The following SMYD2 variants were observed in gnomAD, a reference collection of about 807,000 sequenced individuals.
The protein encoded by SMYD2 is N-lysine methyltransferase SMYD2.
In SMYD2, 53 loss-of-function variants were observed where a neutral mutation model predicts 59.1. The observed-to-expected ratio is 0.90, with a 90% CI of 0.72 to 1.13. The LOEUF (loss-of-function observed/expected upper bound fraction) is 1.13. SMYD2 is among the 50% of genes most tolerant of loss of function. The pLI is 0.00. For missense variants in SMYD2, 494 were observed against 544.7 expected (o/e 0.91, Z 0.93); for synonymous variants, 208 against 198.8 (o/e 1.05, Z -0.39).
At chr1:214,301,769 TAA>T (rs56102481) in intron 1 of SMYD2, among the ~76,000 whole-genome samples, 5,524 of 133,300 alleles carry the variant, frequency 0.041, 387 homozygotes, top group African/African-American at 0.15. Context: ...TCTTTCAAGT[TAA>T]AAAAAAAAAA....
chr1:214,310,193 A>G (rs1341490854), intron 2 of SMYD2, among the ~76,000 whole-genome samples: 2 of 152,260 alleles, frequency 1.3e-5, no homozygotes, highest in Non-Finnish European at 2.9e-5. Flanking sequence ...CTGGTGCACC[A>G]TGAGACAATT....
chr1:214,284,261 T>TTTG (rs1310691848), intron 1 of SMYD2, among the ~76,000 whole-genome samples: 4 of 140,572 alleles, frequency 2.8e-5, no homozygotes, highest in South Asian at 4.7e-4. Flanking sequence ...GTGGTTTTTT[T>TTTG]TTTTTTTTTT....
intron 1 of SMYD2, among the ~76,000 whole-genome samples, chr1:214,299,465 T>TTATATATATATATATATA (rs756823866): frequency 0.023 from 1,607 of 71,006 alleles, 33 homozygotes; most frequent in African/African-American, 0.045. Flanking sequence ...AAAGAAAACA[T>TTATATATATATATATATA]TATATATATA....
intron 11 of SMYD2, 94 bp from the exon 12 acceptor site, chr1:214,336,610 C>A: frequency 9.0e-7 from 1 of 1,106,890 alleles, no homozygotes; most frequent in Non-Finnish European, 1.3e-6. Flanking sequence ...CATCCTGTGC[C>A]TTAAAGCAGA....
intron 1 of SMYD2, among the ~76,000 whole-genome samples, chr1:214,281,764 C>CA (rs1656454306): frequency 6.6e-6 from 1 of 152,260 alleles, no homozygotes. Context: ...CCTGGGCACT[C>CA]ACTGCCCTCC....
intron 2 of SMYD2, among the ~76,000 whole-genome samples, chr1:214,310,786 T>C (rs1338935279): frequency 6.6e-6 from 1 of 152,218 alleles, no homozygotes; most frequent in Admixed American, 6.5e-5. Context: ...TAATTTCTTA[T>C]GGGCAAAACT....
intron 1 of SMYD2, among the ~76,000 whole-genome samples, chr1:214,303,366 G>T (rs559272681): frequency 1.4e-4 from 22 of 152,194 alleles, no homozygotes; most frequent in Admixed American, 7.2e-4. Context: ...ATTTTTTAGT[G>T]CATTTCCCGA....
rs1254846592 is a variant in SMYD2, at chr1:214,305,195, G to C, written c.182G>C (p.Gly61Ala). The C allele has an allele frequency of 6.2e-7, 1 of 1,614,186 alleles. No individual in the cohort carries two copies. The highest frequency in any genetic ancestry group is 1.7e-5 in the Admixed American group (1 of 60,022). The change falls in exon 2 of 12, where the codon GGA (glycine) becomes GCA (alanine). Residue 61 changes from glycine to alanine, a missense_variant. Transcript: ENST00000366957. ...CCCTTTCTGTTTTTAAGGAAAGAAG[G>C]ATTGTCCAAATGTGGAAGATGCAAG... ...HCEYCFTRKE[G>A]LSKCGRCKQA...
chr1:214,323,258 GT>G (rs1657201814), intron 5 of SMYD2, among the ~76,000 whole-genome samples: 1 of 152,078 alleles, frequency 6.6e-6, no homozygotes, highest in Non-Finnish European at 1.5e-5. Context: ...TTGTCTTTCT[GT>G]TTGTTTTTCT....
rs1356502570 is a variant in SMYD2 at position 214,289,733 on chromosome 1, T to C, written c.173+8306T>C. ...TGGCAGATTCAGACCTTGAGCTCTC[T>C]TCTGATCCTCCTGCTCACTCAGCGT... is the stretch of plus-strand genomic sequence containing the variant. On this transcript the variant is annotated intron_variant, in intron 1 of 11. Coordinates refer to ENST00000366957, the MANE Select transcript of SMYD2 (RefSeq NM_020197.3). Among the ~76,000 whole-genome samples, 75 of 152,226 alleles carry C rather than the reference T, an allele frequency of 4.9e-4. 1 individual carries two copies. Among genetic ancestry groups the C allele is most frequent in the Non-Finnish European group, 1.8e-4 (12 of 68,038 alleles).
chr1:214,306,581 C>A (rs181226965), intron 2 of SMYD2, among the ~76,000 whole-genome samples: 1 of 152,236 alleles, frequency 6.6e-6, no homozygotes, highest in East Asian at 1.9e-4. Context: ...GGGGAGGGTG[C>A]CTTCTTTTGA....
intron 1 of SMYD2, among the ~76,000 whole-genome samples, chr1:214,299,227 G>A (rs1418385583): frequency 6.6e-6 from 1 of 152,180 alleles, no homozygotes; most frequent in Non-Finnish European, 1.5e-5. Context: ...TACACTGTTG[G>A]TGGGAATATA....
chr1:214,326,194 C>T (rs1046363776), intron 6 of SMYD2, among the ~76,000 whole-genome samples: 7 of 148,172 alleles, frequency 4.7e-5, no homozygotes, highest in African/African-American at 1.5e-4. Context: ...GCTGAGATCG[C>T]GCCACTGCAC....
intron 1 of SMYD2, among the ~76,000 whole-genome samples, chr1:214,302,460 A>G (rs1656841566): frequency 6.6e-6 from 1 of 151,916 alleles, no homozygotes; most frequent in African/African-American, 2.4e-5. Context: ...CAAATGTTAA[A>G]ACAGTGAGAA....
At chr1:214,281,599 C>T (rs1375760571) in intron 1 of SMYD2, among the ~76,000 whole-genome samples, 172 bp downstream of exon 1, 1 of 152,072 alleles carries the variant, frequency 6.6e-6, no homozygotes, top group Non-Finnish European at 1.5e-5. Flanking sequence ...GCGCTGCAGC[C>T]CCACGCCAGG....
intron 9 of SMYD2, chr1:214,331,585 A>G (rs1657353989): frequency 5.7e-6 from 1 of 175,710 alleles, no homozygotes; most frequent in Non-Finnish European, 1.2e-5. Flanking sequence ...TTTTCTTGGG[A>G]GTTGAAAAGG....
intron 1 of SMYD2, among the ~76,000 whole-genome samples, chr1:214,299,474 TATATATATAC>T (rs57854483): frequency 0.57 from 83,424 of 145,382 alleles, 24,500 homozygotes; most frequent in Non-Finnish European, 0.6. Flanking sequence ...ATTATATATA[TATATATATAC>T]ACCATAGAAT....
In SMYD2 at chr1:214,318,534, G is replaced by C. The variant is rs76766348; in HGVS notation, c.410-325G>C. On this transcript the variant is annotated intron_variant, in intron 4 of 11. Transcript: ENST00000366957. The surrounding 1 kb of genome is among the most constrained non-coding windows in gnomAD (Gnocchi z 5.4). ...ACGGCCCAGATTCCCGGGCCAATTG[G>C]GGGGCCCTTGACTAGGCTGAGGCTG... Among the ~76,000 whole-genome samples, 8 of 152,228 alleles carry C rather than the reference G, an allele frequency of 5.3e-5. No homozygotes were observed. The highest frequency in any genetic ancestry group is 1.9e-4 in the East Asian group (1 of 5,170).
intron 1 of SMYD2, among the ~76,000 whole-genome samples, chr1:214,287,757 A>G (rs1229342880): frequency 6.6e-6 from 1 of 152,156 alleles, no homozygotes; most frequent in Non-Finnish European, 1.5e-5. Flanking sequence ...TTCTTCAAAA[A>G]AGAGCCTTTT....
Sources: allele counts gnomAD v4.1 joint callset (sites outside exome capture counted in the v4.1 genomes callset), GRCh38; gene constraint gnomAD v4.1.1; non-coding constraint Gnocchi (gnomAD v3.1); transcripts MANE v1.5; gene names NCBI Gene and HGNC (gene_info 2026-07-23, HGNC 2026-07-21).